SYCE1L: variants seen among roughly 807,000 people sequenced by gnomAD.
SYCE1L encodes synaptonemal complex central element protein 1 like.
Under a neutral mutation model 39.6 loss-of-function variants are expected in SYCE1L, and 51 were observed. The observed-to-expected ratio is 1.29, with a 90% CI of 1.03 to 1.63. The LOEUF (loss-of-function observed/expected upper bound fraction) is 1.63, where lower values mean the gene tolerates loss of function less well. SYCE1L is among the 40% of genes most tolerant of loss of function. The pLI is 0.00. For synonymous variants in SYCE1L, 147 were observed against 122.4 expected, an observed-to-expected ratio of 1.20 and a Z score of -1.33; for missense variants, 426 against 304.9, an observed-to-expected ratio of 1.40 and a Z score of -2.96.
At chr16:77,207,347 C>T (rs1175489097) in intron 2 of SYCE1L, among the ~76,000 whole-genome samples, 4 of 152,150 alleles carry the variant, frequency 2.6e-5, no homozygotes, top group African/African-American at 9.7e-5. Context: ...GCCCCAGTTC[C>T]GTGTTGGCAA....
At chr16:77,205,017 C>G (rs1161284595) in intron 1 of SYCE1L, among the ~76,000 whole-genome samples, 1 of 140,490 alleles carries the variant, frequency 7.1e-6, no homozygotes, top group Non-Finnish European at 1.5e-5. Flanking sequence ...TGCACTCCAG[C>G]CTGGGTGACA....
chr16:77,212,399 A>G, intron 9 of SYCE1L, 30 bp downstream of exon 9: 2 of 1,524,182 alleles, frequency 1.3e-6, no homozygotes, highest in South Asian at 2.4e-5. Flanking sequence ...GTGGGCGAGG[A>G]GGGCAGGGGC....
rs970259181 is a variant in SYCE1L at position 77,212,613 on chromosome 16, G to A, written c.621G>A (p.Arg207=). ...TGGAGATATTCGGGGAGCAGGTCCG[G>A]AGCGCCCCCGAGGTCGGGGCCGGCG... The part of the protein sequence containing the change: ...AELEIFGEQV[R]SAPEVGAGEG... The change falls in exon 10 of 11, where the codon CGG becomes CGA. Residue 207 remains arginine (R), a synonymous_variant. Coordinates refer to ENST00000378644, the MANE Select transcript of SYCE1L (RefSeq NM_001129979.3). The A allele has an allele frequency of 1.3e-6, 2 of 1,535,956 alleles. No homozygotes were observed. Among genetic ancestry groups the A allele is most frequent in the Non-Finnish European group, 8.7e-7 (1 of 1,146,454 alleles).
chr16:77,208,415 CA>C, intron 3 of SYCE1L, 49 bp from the exon 4 acceptor site: 1 of 1,549,146 alleles, frequency 6.5e-7, no homozygotes, highest in Non-Finnish European at 8.7e-7. Flanking sequence ...GAGAGAACAG[CA>C]AGGCTAGAGA....
Position 77,199,669 on chromosome 16 carries a change from C to T in SYCE1L, c.61+157C>T, listed in dbSNP as rs537786854. ...GAAGAAAAACAATTTTTTAACCGTTCAGCACAGTGGAGATAAATTAACAGG... is the reference window on the plus strand; with the variant it reads ...GAAGAAAAACAATTTTTTAACCGTTTAGCACAGTGGAGATAAATTAACAGG... On this transcript the variant is annotated intron_variant, in intron 1 of 10. Transcript: ENST00000378644. 120 of 635,470 alleles carry T rather than the reference C, an allele frequency of 1.9e-4. No individual in the cohort carries two copies. In the South Asian group the frequency reaches 2.5e-3, roughly 13 times the overall value. 39.4% of individuals were successfully genotyped at this position (635,470 alleles called of 1,614,324 possible). A position where few individuals can be genotyped will look rare whatever the true frequency, so the allele number is the denominator to read the frequency against.
At chr16:77,208,180 G>T in intron 2 of SYCE1L, 30 bp from the exon 3 acceptor site, 1 of 1,547,828 alleles carries the variant, frequency 6.5e-7, no homozygotes, top group Non-Finnish European at 8.7e-7. Flanking sequence ...AGTCTTCTCT[G>T]GCTCACTCTT....
intron 1 of SYCE1L, chr16:77,200,977 C>G (rs11862381): frequency 6.6e-6 from 1 of 152,104 alleles, no homozygotes; most frequent in African/African-American, 2.4e-5. Context: ...CTCTTTAAAC[C>G]ACTGTATTAA....
intron 2 of SYCE1L, among the ~76,000 whole-genome samples, chr16:77,207,599 ATGGGACGTCTCCAT>A (rs1195385662): frequency 6.6e-6 from 1 of 152,172 alleles, no homozygotes; most frequent in Non-Finnish European, 1.5e-5. Context: ...GGCGGGGCAG[ATGGGACGTCTCCAT>A]TGGCTCACAC....
Position 77,209,449 on chromosome 16 carries a change from G to T in SYCE1L, c.337G>T (p.Glu113Ter). 1.3e-6 allele frequency: 2 copies of T among 1,551,754 alleles called. No homozygotes were observed. The highest frequency in any genetic ancestry group is 1.7e-6 in the Non-Finnish European group (2 of 1,147,014). ...GAGGATCCTCCAGATGCACTGCCAA[G>T]AGAAGGAAAGCGAGGCTCAGAGGTA... ...ALRILQMHCQ[E>*]KESEAQRLDV... The change falls in exon 6 of 11, where the codon GAG (glutamate) becomes TAG (stop). Residue 113 changes from glutamate (E) to a stop codon, truncating the protein, a stop_gained. Transcript: ENST00000378644. LOFTEE classifies it high-confidence loss of function.
intron 6 of SYCE1L, 97 bp downstream of exon 6, chr16:77,209,568 A>G: frequency 7.5e-7 from 1 of 1,332,858 alleles, no homozygotes; most frequent in Non-Finnish European, 1.0e-6. Context: ...CAGAAGCCTC[A>G]TTTTACCTTT....
intron 10 of SYCE1L, 47 bp downstream of exon 10, chr16:77,212,693 G>A (rs2054834100): frequency 6.7e-7 from 1 of 1,485,456 alleles, no homozygotes; most frequent in Admixed American, 2.2e-5. Flanking sequence ...GACCGAGTCA[G>A]GAGAGAGCGG....
intron 7 of SYCE1L, 98 bp downstream of exon 7, chr16:77,211,374 GC>G (rs2054821489): frequency 1.5e-6 from 2 of 1,379,306 alleles, no homozygotes; most frequent in Admixed American, 2.0e-5. Flanking sequence ...GCTCAATGCC[GC>G]GGGATAGTCC....
chr16:77,203,948 A>G (rs1010430377), intron 1 of SYCE1L, among the ~76,000 whole-genome samples: 6 of 152,098 alleles, frequency 3.9e-5, no homozygotes, highest in African/African-American at 1.4e-4. Context: ...GCCCACCATT[A>G]TTAATTATGT....
intron 1 of SYCE1L, among the ~76,000 whole-genome samples, chr16:77,205,491 T>C (rs1435293078): frequency 1.3e-5 from 2 of 149,994 alleles, no homozygotes; most frequent in Non-Finnish European, 3.0e-5. Context: ...TGGTGAAAAG[T>C]GTGGTGAATC....
intron 1 of SYCE1L, among the ~76,000 whole-genome samples, chr16:77,202,998 A>C (rs1597381991): frequency 6.6e-6 from 1 of 152,228 alleles, no homozygotes; most frequent in Non-Finnish European, 1.5e-5. Context: ...AATATTAAGA[A>C]TATTTTTAAA....
At chr16:77,208,896 A>G (rs1409724099) in intron 4 of SYCE1L, among the ~76,000 whole-genome samples, 6 of 152,126 alleles carry the variant, frequency 3.9e-5, no homozygotes, top group African/African-American at 1.2e-4. Flanking sequence ...CTCCTTCAAC[A>G]TTTACAAAGA....
At position 77,213,160 on chromosome 16, in the gene SYCE1L, G is replaced by T; in HGVS notation, c.*229G>T. On this transcript the variant is annotated 3_prime_UTR_variant, in exon 11 of 11. Coordinates refer to ENST00000378644, the MANE Select transcript of SYCE1L (RefSeq NM_001129979.3). ...GCTCCTGAACTCAGAGAGAGTAAGT[G>T]GGTGTCAGTATCCCCCGCCCCACGG... 1 of 407,956 alleles carries T rather than the reference G, an allele frequency of 2.5e-6. No individual in the cohort carries two copies. 25.3% of individuals were successfully genotyped at this position (407,956 alleles called of 1,614,324 possible). A position where few individuals can be genotyped will look rare whatever the true frequency, so the allele number is the denominator to read the frequency against.
intron 1 of SYCE1L, 112 bp downstream of exon 1, chr16:77,199,624 A>C: frequency 1.1e-6 from 1 of 939,776 alleles, no homozygotes; most frequent in East Asian, 2.7e-5. Flanking sequence ...TTTAAATAAA[A>C]TGTTAAGCCT....
At chr16:77,207,348 G>A (rs554004298) in intron 2 of SYCE1L, among the ~76,000 whole-genome samples, 3 of 152,296 alleles carry the variant, frequency 2.0e-5, no homozygotes, top group East Asian at 1.9e-4. Context: ...CCCCAGTTCC[G>A]TGTTGGCAAC....
Sources: allele counts gnomAD v4.1 joint callset (sites outside exome capture counted in the v4.1 genomes callset), GRCh38; gene constraint gnomAD v4.1.1; transcripts MANE v1.5; gene names NCBI Gene and HGNC (gene_info 2026-07-23, HGNC 2026-07-21).